Variants in DDX5 observed in about 807,000 individuals in gnomAD.
The protein encoded by DDX5 is DEAD-box helicase 5.
A neutral mutation model predicts 68.6 loss-of-function variants in DDX5; 6 were observed. The observed-to-expected ratio is 0.09, with a 90% CI of 0.05 to 0.17. The LOEUF is 0.17. Among genes scored for constraint, DDX5 ranks in the 10% least tolerant of loss-of-function variants. The pLI, the probability that DDX5 is intolerant of heterozygous loss-of-function variation, is 1.00. For synonymous variants in DDX5, 350 were observed against 247.0 expected, an observed-to-expected ratio of 1.42 and a Z score of -3.91; for missense variants, 499 against 756.1, an observed-to-expected ratio of 0.66 and a Z score of 3.99.
At chr17:64,500,450 C>G in intron 12 of DDX5, 99 bp downstream of exon 12, 2 of 1,516,226 alleles carry the variant, frequency 1.3e-6, no homozygotes, top group East Asian at 2.3e-5. Context: ...CTTAAGTTTT[C>G]ACATTCAAGG....
At chr17:64,504,902 G>A (rs782192959) in intron 1 of DDX5, 60 bp from the exon 2 acceptor site, 75 of 1,518,654 alleles carry the variant, frequency 4.9e-5, no homozygotes, top group Non-Finnish European at 6.0e-5. Flanking sequence ...TTTCTGTATA[G>A]ATTTGTCATC....
chr17:64,505,085 G>A, intron 1 of DDX5: 1 of 390,394 alleles, frequency 2.6e-6, no homozygotes, highest in Non-Finnish European at 4.5e-6. Flanking sequence ...CGGAAGCCGG[G>A]GATTTATCAT....
chr17:64,499,785 G>GA lies in DDX5; in HGVS notation c.*137dup, dbSNP rs1389766139. ...TAGAGAAATATCCAACTTAAATAGCGAAAAAGTGCACCATAATTACTGCTG... is the reference window on the plus strand; with the variant it reads ...TAGAGAAATATCCAACTTAAATAGCGAAAAAAGTGCACCATAATTACTGCTG... On this transcript the variant is annotated 3_prime_UTR_variant, in exon 13 of 13. Transcript: ENST00000225792. 1 of 784,316 alleles carries GA rather than the reference G, an allele frequency of 1.3e-6. No individual in the cohort carries two copies. The highest frequency in any genetic ancestry group is 1.8e-5 in the African/African-American group (1 of 57,080). The allele number at this position is 784,316 out of a possible 1,614,324, so 48.6% of individuals were successfully genotyped here. A position where few individuals can be genotyped will look rare whatever the true frequency, so the allele number is the denominator to read the frequency against.
upstream of DDX5, chr17:64,506,810 C>T (rs1239820445): frequency 5.4e-5 from 31 of 573,254 alleles, no homozygotes; most frequent in South Asian, 5.1e-4. Flanking sequence ...TGATGTGGAC[C>T]GTCCGACCCG....
Position 64,503,557 on chromosome 17 carries a change from T to C in DDX5, c.522A>G (p.Ala174=). The change falls in exon 6 of 13, where the codon GCA becomes GCG. Residue 174 remains alanine, a synonymous_variant. Coordinates refer to ENST00000225792, the MANE Select transcript of DDX5 (RefSeq NM_004396.5). ...RGDGPICLVL[A]PTRELAQQVQ... is the part of the protein sequence containing the mutation. ...CCTGTTGGGCCAGTTCCCGAGTTGG[T>C]GCCAGCACCAAACACTAAGGAAAGA... 1 of 1,614,092 alleles carries C rather than the reference T, an allele frequency of 6.2e-7. No homozygotes were observed. Among genetic ancestry groups the C allele is most frequent in the Non-Finnish European group, 8.5e-7 (1 of 1,180,000 alleles).
intron 11 of DDX5, chr17:64,501,082 T>C (rs782477885): frequency 7.4e-6 from 3 of 405,246 alleles, no homozygotes; most frequent in Non-Finnish European, 1.4e-5. Flanking sequence ...ATCTGAATGC[T>C]TCTGCGCAGT....
At chr17:64,500,395 C>A in intron 12 of DDX5, 69 bp from the exon 13 acceptor site, 1 of 1,548,332 alleles carries the variant, frequency 6.5e-7, no homozygotes, top group Admixed American at 1.9e-5. Flanking sequence ...CAGAAAGAAA[C>A]AGATCTATTC....
chr17:64,500,491 G>T, intron 12 of DDX5, 58 bp downstream of exon 12: 2 of 1,558,456 alleles, frequency 1.3e-6, no homozygotes, highest in Non-Finnish European at 8.8e-7. Context: ...CATTTAAATG[G>T]ATTTGTAGAC....
Position 64,504,255 on chromosome 17 carries a change from G to C in DDX5, c.274C>G (p.Pro92Ala). Residue 92 changes from proline to alanine, a missense_variant, in exon 3 of 13, where the codon CCA (proline) becomes GCA (alanine). Pro to Ala is a conservative substitution (Grantham distance 27, BLOSUM62 -1). Coordinates refer to ENST00000225792, the MANE Select transcript of DDX5 (RefSeq NM_004396.5). ...ITVRGHNCPK[P>A]VLNFYEANFP... Reference sequence around the variant, plus strand: ...TTGGCTTCATAAAAATTTAGAACTGGCTTCGGGCAGTTGTGACCTCTAACT... The same window carrying C: ...TTGGCTTCATAAAAATTTAGAACTGCCTTCGGGCAGTTGTGACCTCTAACT... 6.2e-7 allele frequency: 1 copy of C among 1,614,038 alleles called. No homozygotes were observed.
rs1555671437 is a variant in DDX5, at chr17:64,503,231, A to G, written c.767T>C (p.Met256Thr). ...VLDEADRMLD[M>T]GFEPQIRKIV... Reference sequence around the variant, plus strand: ...CTTCCTTATTTGGGGTTCAAAGCCCATATCAAGCATTCTATCTGCTTCATC... The same window carrying G: ...CTTCCTTATTTGGGGTTCAAAGCCCGTATCAAGCATTCTATCTGCTTCATC... Residue 256 changes from methionine to threonine, a missense_variant, in exon 7 of 13, where the codon ATG (methionine) becomes ACG (threonine). Physicochemically the swap from Met to Thr is moderately conservative, Grantham distance 81. Coordinates refer to ENST00000225792, the MANE Select transcript of DDX5 (RefSeq NM_004396.5). The G allele has an allele frequency of 6.2e-7, 1 of 1,614,188 alleles. No homozygotes were observed. Among genetic ancestry groups the G allele is most frequent in the Non-Finnish European group, 8.5e-7 (1 of 1,180,032 alleles).
upstream of DDX5, chr17:64,506,846 T>G: frequency 1.7e-6 from 1 of 605,712 alleles, no homozygotes. Context: ...TTTGACGGGT[T>G]TTGGTCGGCG....
rs1193280669 is a variant in DDX5 at position 64,499,555 on chromosome 17, A to C, written c.*368T>G. 2.1e-5 allele frequency: 5 copies of C among 235,788 alleles called. No individual in the cohort carries two copies. The highest frequency in any genetic ancestry group is 6.6e-5 in the African/African-American group (3 of 45,236). 14.6% of individuals were successfully genotyped at this position (235,788 alleles called of 1,614,324 possible). A position where few individuals can be genotyped will look rare whatever the true frequency, so the allele number is the denominator to read the frequency against. The stretch of plus-strand genomic sequence containing the variant: ...AAAAACCAAACAAAAACAAAAAAAA[A>C]ACCAGACCATCTTAAGCAAAGTTTT... On this transcript the variant is annotated 3_prime_UTR_variant, in exon 13 of 13. Coordinates refer to ENST00000225792, the MANE Select transcript of DDX5 (RefSeq NM_004396.5).
intron 12 of DDX5, 33 bp from the exon 13 acceptor site, chr17:64,500,359 A>G (rs782398738): frequency 6.3e-7 from 1 of 1,581,556 alleles, no homozygotes; most frequent in East Asian, 2.2e-5. Context: ...TTGATCAATT[A>G]TGTCTATGAC....
At chr17:64,502,578 C>T (rs374155557) in intron 8 of DDX5, 29 bp from the exon 9 acceptor site, 12 of 1,534,400 alleles carry the variant, frequency 7.8e-6, no homozygotes, top group African/African-American at 2.7e-5. Context: ...AAGGAAAAAT[C>T]CTGAGTTTTA....
chr17:64,503,410 A>C lies in DDX5; in HGVS notation c.649+20T>G. ...GGATATTTAGCACCAATGACAAATA[A>C]AACCCTTTTCATTACATACCTCTCT... On this transcript the variant is annotated intron_variant, in intron 6 of 12. Coordinates refer to ENST00000225792, the MANE Select transcript of DDX5 (RefSeq NM_004396.5). 6.2e-7 allele frequency: 1 copy of C among 1,614,104 alleles called. No homozygotes were observed. The highest frequency in any genetic ancestry group is 8.5e-7 in the Non-Finnish European group (1 of 1,179,988).
chr17:64,501,841 C>T (rs2038304538), intron 11 of DDX5, 169 bp downstream of exon 11: 1 of 644,596 alleles, frequency 1.6e-6, no homozygotes, highest in Non-Finnish European at 2.7e-6. Flanking sequence ...GTCCTCCATC[C>T]CCCTCGAGTC....
intron 1 of DDX5, 56 bp downstream of exon 1, chr17:64,506,020 A>ACCCCCCCCCCCCCCCCCCC: frequency 5.8e-6 from 5 of 868,084 alleles, no homozygotes; most frequent in East Asian, 4.4e-5. Context: ...CGCCACCCTG[A>ACCCCCCCCCCCCCCCCCCC]CCCGCCCTCC....
Position 64,499,514 on chromosome 17 carries a change from T to C in DDX5, c.*409A>G, listed in dbSNP as rs2038240729. Reference sequence around the variant, plus strand: ...AATTAAATAAAAAGGAACAGTCATTTGTTTTCATGGAAAAAAAAAACCAAA... The same window carrying C: ...AATTAAATAAAAAGGAACAGTCATTCGTTTTCATGGAAAAAAAAAACCAAA... On this transcript the variant is annotated 3_prime_UTR_variant, in exon 13 of 13. Transcript: ENST00000225792. 3 of 220,478 alleles carry C rather than the reference T, an allele frequency of 1.4e-5. No individual in the cohort carries two copies. The highest frequency in any genetic ancestry group is 2.6e-5 in the Non-Finnish European group (3 of 115,066). 13.7% of individuals were successfully genotyped at this position (220,478 alleles called of 1,614,324 possible). A position where few individuals can be genotyped will look rare whatever the true frequency, so the allele number is the denominator to read the frequency against.
At position 64,506,175 on chromosome 17, in the gene DDX5, G is replaced by C; in HGVS notation, c.-56C>G. On this transcript the variant is annotated 5_prime_UTR_variant, in exon 1 of 13. Coordinates refer to ENST00000225792, the MANE Select transcript of DDX5 (RefSeq NM_004396.5). ...AAGTATATAGAAAAGCGTGCGACAA[G>C]TCGCTGGAAATGGCCTCGATGACGG... 6.3e-7 allele frequency: 1 copy of C among 1,593,442 alleles called. No homozygotes were observed. Among genetic ancestry groups the C allele is most frequent in the East Asian group, 2.3e-5 (1 of 44,192 alleles).
Sources: gnomAD v4.1 joint callset for allele counts on GRCh38, gnomAD v4.1.1 for gene constraint, MANE v1.5 for transcripts, NCBI Gene and HGNC (gene_info 2026-07-23, HGNC 2026-07-21) for gene names.